PRKG1: variants seen among roughly 807,000 people sequenced by gnomAD.
The protein encoded by PRKG1 is protein kinase cGMP-dependent 1.
A neutral mutation model predicts 88.1 loss-of-function variants in PRKG1; 35 were observed. That is an observed-to-expected ratio of 0.40 (90% CI 0.30 to 0.53). The LOEUF (loss-of-function observed/expected upper bound fraction) is 0.53. Ranked by LOEUF, PRKG1 falls within the 20% of genes least tolerant of loss-of-function variation. PRKG1 has a pLI of 0.59. For synonymous variants in PRKG1, 303 were observed against 292.5 expected (o/e 1.04, Z -0.37); for missense variants, 540 against 839.8 (o/e 0.64, Z 4.41).
At chr10:51,644,519 G>T (rs1589156305) in intron 3 of PRKG1, among the ~76,000 whole-genome samples, 1 of 152,012 alleles carries the variant, frequency 6.6e-6, no homozygotes, top group Non-Finnish European at 1.5e-5. Context: ...TGCCTGAATT[G>T]TTCCAACTTA....
intron 3 of PRKG1, among the ~76,000 whole-genome samples, chr10:51,480,662 G>T (rs977352344): frequency 1.3e-5 from 2 of 151,916 alleles, no homozygotes; most frequent in Admixed American, 6.6e-5. Flanking sequence ...TTTAGTACTG[G>T]TATTTAAAAC....
At chr10:51,807,491 A>C (rs1839337343) in intron 4 of PRKG1, among the ~76,000 whole-genome samples, 1 of 152,212 alleles carries the variant, frequency 6.6e-6, no homozygotes, top group African/African-American at 2.4e-5. Context: ...AAGATGACAC[A>C]GGAGCCTTTC....
At chr10:51,756,898 G>A (rs187672389) in intron 3 of PRKG1, among the ~76,000 whole-genome samples, 1 of 151,774 alleles carries the variant, frequency 6.6e-6, no homozygotes, top group East Asian at 1.9e-4. Flanking sequence ...ATGCTACAGG[G>A]CTTATGGAAT....
chr10:51,100,882 A>G (rs1220184105), intron 1 of PRKG1, among the ~76,000 whole-genome samples: 1 of 152,176 alleles, frequency 6.6e-6, no homozygotes, highest in Non-Finnish European at 1.5e-5. Flanking sequence ...CATTGCTTAA[A>G]CAGATTCCTG....
intron 3 of PRKG1, among the ~76,000 whole-genome samples, chr10:51,789,767 G>A (rs916629077): frequency 6.6e-6 from 1 of 152,004 alleles, no homozygotes; most frequent in African/African-American, 2.4e-5. Context: ...AAATAATTCT[G>A]TGCTTCTGTA....
At chr10:52,103,788 G>T (rs1162451326) in intron 7 of PRKG1, among the ~76,000 whole-genome samples, 1 of 151,806 alleles carries the variant, frequency 6.6e-6, no homozygotes, top group African/African-American at 2.4e-5. Context: ...GACTAAATAA[G>T]CTTGAAAGCC....
At chr10:52,268,646 T>G (rs901639064) in intron 10 of PRKG1, among the ~76,000 whole-genome samples, 14 of 152,058 alleles carry the variant, frequency 9.2e-5, no homozygotes, top group African/African-American at 3.1e-4. Context: ...TGGTTTTGTA[T>G]TCAGCTGAAG....
intron 7 of PRKG1, among the ~76,000 whole-genome samples, chr10:52,120,969 C>G (rs763204922): frequency 6.6e-6 from 1 of 152,158 alleles, no homozygotes; most frequent in Non-Finnish European, 1.5e-5. Context: ...GCTACCGTGG[C>G]CCCATAACTT....
intron 5 of PRKG1, among the ~76,000 whole-genome samples, chr10:51,995,252 TGTGG>T (rs1844409953): frequency 5.3e-5 from 8 of 152,022 alleles, no homozygotes; most frequent in Admixed American, 5.2e-4. Context: ...AAATTTTGTG[TGTGG>T]TAGGTACTTA....
At chr10:51,039,963 A>G (rs1182742855) in intron 1 of PRKG1, among the ~76,000 whole-genome samples, 1 of 152,108 alleles carries the variant, frequency 6.6e-6, no homozygotes. Context: ...TTATCATGCT[A>G]TTTTGGTTAC....
intron 2 of PRKG1, among the ~76,000 whole-genome samples, chr10:51,389,647 T>C (rs1837347831): frequency 6.6e-6 from 1 of 152,136 alleles, no homozygotes; most frequent in Non-Finnish European, 1.5e-5. Context: ...TAACTTCTTT[T>C]TAAAAATTGA....
chr10:51,370,011 G>A (rs1368974586), intron 2 of PRKG1, among the ~76,000 whole-genome samples: 1 of 152,162 alleles, frequency 6.6e-6, no homozygotes, highest in Non-Finnish European at 1.5e-5. Context: ...CAGTTTTGGA[G>A]TGATTGCTGC....
At chr10:51,326,892 C>T (rs938692771) in intron 2 of PRKG1, among the ~76,000 whole-genome samples, 5 of 152,200 alleles carry the variant, frequency 3.3e-5, no homozygotes, top group African/African-American at 9.6e-5. Flanking sequence ...TATGTAATCA[C>T]ATTATGCTTG....
At chr10:51,830,881 C>G (rs1161929342) in intron 4 of PRKG1, among the ~76,000 whole-genome samples, 2 of 151,998 alleles carry the variant, frequency 1.3e-5, no homozygotes, top group East Asian at 3.9e-4. Context: ...TTATAAAAAG[C>G]TGTTTATCAT....
intron 3 of PRKG1, among the ~76,000 whole-genome samples, chr10:51,534,679 A>AAAG (rs1554819415): frequency 1.3e-5 from 2 of 150,864 alleles, no homozygotes; most frequent in African/African-American, 4.9e-5. Context: ...AAAAAAAAAA[A>AAAG]AAAGAAAGAA....
intron 2 of PRKG1, among the ~76,000 whole-genome samples, chr10:51,302,288 A>G (rs557391703): frequency 1.3e-5 from 2 of 152,296 alleles, no homozygotes; most frequent in Admixed American, 1.3e-4. Flanking sequence ...CTACTTGACA[A>G]ACATTTTTAG....
intron 3 of PRKG1, among the ~76,000 whole-genome samples, chr10:51,632,579 C>A (rs1839553935): frequency 6.6e-6 from 1 of 152,134 alleles, no homozygotes; most frequent in Non-Finnish European, 1.5e-5. Flanking sequence ...CTAGGTTAAT[C>A]GTATCTATCT....
At chr10:51,623,391 G>A (rs748262846) in intron 3 of PRKG1, among the ~76,000 whole-genome samples, 3 of 152,034 alleles carry the variant, frequency 2.0e-5, no homozygotes, top group Non-Finnish European at 4.4e-5. Context: ...TTGTAGAGAC[G>A]GGATCTCCCT....
intron 2 of PRKG1, among the ~76,000 whole-genome samples, chr10:51,153,622 T>C (rs1846133013): frequency 6.6e-6 from 1 of 152,044 alleles, no homozygotes; most frequent in Non-Finnish European, 1.5e-5. Flanking sequence ...TGCAGTCAGG[T>C]CACTGAGCAA....
Sources: allele counts gnomAD v4.1 joint callset (sites outside exome capture counted in the v4.1 genomes callset), GRCh38; gene constraint gnomAD v4.1.1; transcripts MANE v1.5; gene names NCBI Gene and HGNC (gene_info 2026-07-23, HGNC 2026-07-21).